DCC: variants seen among roughly 807,000 people sequenced by gnomAD.
DCC encodes the protein netrin receptor DCC.
Under a neutral mutation model 172.5 loss-of-function variants are expected in DCC, and 58 were observed. The observed-to-expected ratio is 0.34, with a 90% CI of 0.27 to 0.42. The LOEUF (loss-of-function observed/expected upper bound fraction) is 0.42, where lower values mean the gene tolerates loss of function less well. Ranked by LOEUF, DCC falls within the 10% of genes least tolerant of loss-of-function variation. The pLI, the probability that DCC is intolerant of heterozygous loss-of-function variation, is 1.00. For synonymous variants in DCC, 709 were observed against 644.5 expected (o/e 1.10, Z -1.52); for missense variants, 1,740 against 1,791.0 (o/e 0.97, Z 0.51).
At chr18:52,721,972 C>A (rs969306586) in intron 1 of DCC, among the ~76,000 whole-genome samples, 1 of 151,968 alleles carries the variant, frequency 6.6e-6, no homozygotes, top group African/African-American at 2.4e-5. Flanking sequence ...TGCAGTGAGC[C>A]GAGATTGCAT....
At chr18:53,326,487 GATTGCACC>G (rs2057469569) in intron 14 of DCC, among the ~76,000 whole-genome samples, 1 of 151,894 alleles carries the variant, frequency 6.6e-6, no homozygotes, top group African/African-American at 2.4e-5. Context: ...TTCTTCTTTT[GATTGCACC>G]ATTCATATAT....
chr18:52,597,299 T>C (rs1031602267), intron 1 of DCC, among the ~76,000 whole-genome samples: 11 of 152,176 alleles, frequency 7.2e-5, no homozygotes, highest in African/African-American at 1.9e-4. Flanking sequence ...GCTGGGGCTA[T>C]TGGCTGTTAA....
intron 1 of DCC, among the ~76,000 whole-genome samples, chr18:52,562,551 G>T (rs556666040): frequency 1.6e-4 from 25 of 152,168 alleles, no homozygotes; most frequent in African/African-American, 5.3e-4. Context: ...AATGAAGAGT[G>T]GTCAATCATC....
At chr18:52,923,950 T>G in intron 4 of DCC, 93 bp downstream of exon 4, 1 of 895,908 alleles carries the variant, frequency 1.1e-6, no homozygotes, top group Middle Eastern at 2.3e-4. Context: ...GTACCTACAG[T>G]ACTAGGGTTT....
intron 2 of DCC, among the ~76,000 whole-genome samples, chr18:52,820,548 A>G (rs1162824890): frequency 2.0e-5 from 3 of 152,164 alleles, no homozygotes; most frequent in Non-Finnish European, 4.4e-5. Flanking sequence ...ACTGAATTAT[A>G]CTGTTTAATT....
At chr18:53,384,749 T>C (rs979152664) in intron 15 of DCC, among the ~76,000 whole-genome samples, 1 of 152,114 alleles carries the variant, frequency 6.6e-6, no homozygotes, top group African/African-American at 2.4e-5. Flanking sequence ...GGGTGTTTTC[T>C]TCTACTTTTT....
intron 1 of DCC, among the ~76,000 whole-genome samples, chr18:52,461,991 T>C (rs1306044002): frequency 6.6e-6 from 1 of 152,204 alleles, no homozygotes; most frequent in African/African-American, 2.4e-5. Context: ...GTCCTTTCAA[T>C]TGCTTAGGGC....
At chr18:52,906,018 T>C (rs781686491) in intron 2 of DCC, 26 bp from the exon 3 acceptor site, 14 of 1,476,744 alleles carry the variant, frequency 9.5e-6, no homozygotes, top group Admixed American at 8.4e-5. Flanking sequence ...GGAAGACTTA[T>C]TCTTCCTTCT....
chr18:53,046,814 T>C (rs924113654), intron 5 of DCC, among the ~76,000 whole-genome samples: 1 of 151,916 alleles, frequency 6.6e-6, no homozygotes, highest in Non-Finnish European at 1.5e-5. Context: ...ACCTTCTAGA[T>C]CTTCAAAATA....
intron 5 of DCC, among the ~76,000 whole-genome samples, chr18:53,005,208 C>T (rs769079805): frequency 1.7e-4 from 26 of 152,032 alleles, no homozygotes; most frequent in East Asian, 3.9e-4. Flanking sequence ...TATAGTAACA[C>T]GAAACAAACT....
At chr18:53,443,113 AGATTT>A (rs768041201) in intron 22 of DCC, among the ~76,000 whole-genome samples, 20 of 152,208 alleles carry the variant, frequency 1.3e-4, no homozygotes, top group Non-Finnish European at 2.6e-4. Flanking sequence ...ACTAAACAAG[AGATTT>A]TCAACACAGA....
intron 12 of DCC, among the ~76,000 whole-genome samples, chr18:53,215,997 T>C (rs1462257637): frequency 1.3e-5 from 2 of 152,170 alleles, no homozygotes; most frequent in Non-Finnish European, 2.9e-5. Context: ...AACACATTAC[T>C]TAGAATTGAA....
Position 52,404,833 on chromosome 18 carries a change from C to A in DCC, c.91+63955C>A, listed in dbSNP as rs540756387. Among the ~76,000 whole-genome samples the A allele has an allele frequency of 3.9e-5, 5 of 129,866 alleles. No homozygotes were observed. The South Asian group carries it at 1.2e-3, about 32-fold the overall frequency. 85.2% of individuals were successfully genotyped at this position (129,866 alleles called of 152,430 possible). ...CCCCCTCCCCCCACCCGACAACAGTCCCCAGAGTGTGATATTCCCCTTCCT... is the reference window on the plus strand; with the variant it reads ...CCCCCTCCCCCCACCCGACAACAGTACCCAGAGTGTGATATTCCCCTTCCT... On this transcript the variant is annotated intron_variant, in intron 1 of 28. Coordinates refer to ENST00000442544, the MANE Select transcript of DCC (RefSeq NM_005215.4).
At position 52,749,734 on chromosome 18, in the gene DCC, C is replaced by T. The variant is rs115538660; in HGVS notation, c.92-2320C>T. ...ATGGGCACATATGCTCATTAACATG[C>T]TGTCATAAACAGCTGTGTTAAATGT... On this transcript the variant is annotated intron_variant, in intron 1 of 28. Transcript: ENST00000442544. Among the ~76,000 whole-genome samples the T allele has an allele frequency of 2.6e-3, 393 of 152,214 alleles. 1 individual carries two copies. The highest frequency in any genetic ancestry group is 8.7e-3 in the African/African-American group (361 of 41,526).
chr18:52,867,414 C>A (rs1829616948), intron 2 of DCC, among the ~76,000 whole-genome samples: 1 of 152,026 alleles, frequency 6.6e-6, no homozygotes, highest in Admixed American at 6.6e-5. Context: ...AGGGAAGATT[C>A]CCTCTTTTTC....
intron 21 of DCC, among the ~76,000 whole-genome samples, chr18:53,417,320 C>T (rs897028795): frequency 2.0e-5 from 3 of 152,106 alleles, no homozygotes; most frequent in Admixed American, 6.6e-5. Context: ...TAGGGGTTTA[C>T]GTGGAATAAT....
At chr18:53,294,018 AGCGGGT>A (rs2057036742) in intron 12 of DCC, among the ~76,000 whole-genome samples, 1 of 152,070 alleles carries the variant, frequency 6.6e-6, no homozygotes, top group African/African-American at 2.4e-5. Context: ...CCTACAATGA[AGCGGGT>A]TGGGTAAGTT....
intron 5 of DCC, among the ~76,000 whole-genome samples, chr18:53,036,791 T>C (rs903531478): frequency 4.6e-5 from 7 of 152,054 alleles, no homozygotes; most frequent in Admixed American, 3.3e-4. Flanking sequence ...TTCAGAGTAG[T>C]TGGTGTAAGC....
At chr18:52,403,064 A>G (rs1344463618) in intron 1 of DCC, among the ~76,000 whole-genome samples, 1 of 152,040 alleles carries the variant, frequency 6.6e-6, no homozygotes, top group Non-Finnish European at 1.5e-5. Context: ...TTTGGCTAAG[A>G]AAACAGGTGC....
Sources: allele counts gnomAD v4.1 joint callset (sites outside exome capture counted in the v4.1 genomes callset), GRCh38; gene constraint gnomAD v4.1.1; transcripts MANE v1.5; gene names NCBI Gene and HGNC (gene_info 2026-07-23, HGNC 2026-07-21).